Variants in ADD3 observed in about 807,000 individuals in gnomAD.
The protein encoded by ADD3 is adducin 3.
ADD3 carries 25 observed loss-of-function variants against 80.2 expected under a neutral mutation model. That is an observed-to-expected ratio of 0.31 (90% CI 0.23 to 0.44). ADD3 has a LOEUF of 0.44. ADD3 is among the 20% of genes least tolerant of loss of function. The pLI is 1.00. For synonymous variants in ADD3, 284 were observed against 289.6 expected (o/e 0.98, Z 0.20); for missense variants, 829 against 847.5 (o/e 0.98, Z 0.27).
chr10:110,126,188 GA>G (rs1240815731), intron 11 of ADD3, among the ~76,000 whole-genome samples: 13 of 152,196 alleles, frequency 8.5e-5, no homozygotes, highest in Admixed American at 3.9e-4. Context: ...CTATTAGGGG[GA>G]AAATGCAGTT....
rs761757671 is a variant in ADD3, at chr10:110,093,334, G to A, written c.-29-7291G>A. Among the ~76,000 whole-genome samples the A allele has an allele frequency of 2.2e-4, 34 of 152,188 alleles. No individual in the cohort carries two copies. The Middle Eastern group carries it at 0.01, about 46-fold the overall frequency. On this transcript the variant is annotated intron_variant, in intron 1 of 14. Coordinates refer to ENST00000356080, the MANE Select transcript of ADD3 (RefSeq NM_016824.5). ...CCAATTTCTATTACCACTTATTTCAGTTGGTGTATTATACTTGTCTTAACT... is the reference window on the plus strand; with the variant it reads ...CCAATTTCTATTACCACTTATTTCAATTGGTGTATTATACTTGTCTTAACT...
chr10:110,065,539 C>CTTTTTTTTTTTT lies in ADD3; in HGVS notation c.-29-35079_-29-35068dup, dbSNP rs1217733559. Among the ~76,000 whole-genome samples the CTTTTTTTTTTTT allele has an allele frequency of 9.6e-3, 299 of 31,104 alleles. 79 individuals are homozygous for CTTTTTTTTTTTT. The highest frequency in any genetic ancestry group is 0.025 in the South Asian group (21 of 856). The allele number at this position is 31,104 out of a possible 152,430, so 20.4% of individuals were successfully genotyped here. A position where few individuals can be genotyped will look rare whatever the true frequency, so the allele number is the denominator to read the frequency against. On this transcript the variant is annotated intron_variant, in intron 1 of 14. Coordinates refer to ENST00000356080, the MANE Select transcript of ADD3 (RefSeq NM_016824.5). ...TTTTTTCTTAGCCTCTCTCTCTCCC[C>CTTTTTTTTTTTT]TTTTTTTTTTTTTTTTTTGAGAAAG...
intron 4 of ADD3, 37 bp from the exon 5 acceptor site, chr10:110,117,305 C>A (rs1188495722): frequency 9.3e-7 from 1 of 1,079,198 alleles, no homozygotes; most frequent in Non-Finnish European, 1.4e-6. Context: ...AAAATATGAA[C>A]CACTTCATAG....
rs1349354354 is a variant in ADD3, at chr10:110,052,320, T to C, written c.-30+44021T>C. Among the ~76,000 whole-genome samples, 4 of 152,078 alleles carry C rather than the reference T, an allele frequency of 2.6e-5. No homozygotes were observed. The East Asian group carries it at 7.7e-4, about 29-fold the overall frequency. On this transcript the variant is annotated intron_variant, in intron 1 of 14. Coordinates refer to ENST00000356080, the MANE Select transcript of ADD3 (RefSeq NM_016824.5). ...TCAGCCTAATGGTCCCTGCCAGGGG[T>C]TCCCATTCCCTGGGCCCCGGACCAG...
intron 1 of ADD3, among the ~76,000 whole-genome samples, chr10:110,046,255 A>T (rs1043243946): frequency 6.6e-6 from 1 of 152,108 alleles, no homozygotes; most frequent in Non-Finnish European, 1.5e-5. Flanking sequence ...GTATTTTCTT[A>T]TGATTTTCTT....
At chr10:110,053,018 A>G (rs187134806) in intron 1 of ADD3, among the ~76,000 whole-genome samples, 35 of 152,340 alleles carry the variant, frequency 2.3e-4, no homozygotes, top group Non-Finnish European at 4.4e-4. Context: ...AAACAAACAA[A>G]CAAACACATG....
chr10:110,002,320 C>T (rs376258763), upstream of ADD3, among the ~76,000 whole-genome samples: 254 of 152,132 alleles, frequency 1.7e-3, no homozygotes, highest in African/African-American at 5.1e-3. Flanking sequence ...GTCACCCAGG[C>T]TGGAGTGCAG....
At chr10:110,122,543 T>C (rs982443090) in intron 9 of ADD3, among the ~76,000 whole-genome samples, 2 of 152,158 alleles carry the variant, frequency 1.3e-5, no homozygotes, top group African/African-American at 4.8e-5. Flanking sequence ...TTGAACTTTT[T>C]CCTCCTAACT....
Position 110,124,006 on chromosome 10 carries a change from C to T in ADD3, c.1144-11C>T, listed in dbSNP as rs923335686. The T allele has an allele frequency of 3.1e-6, 5 of 1,608,830 alleles. No homozygotes were observed. Among genetic ancestry groups the T allele is most frequent in the Non-Finnish European group, 4.3e-6 (5 of 1,176,074 alleles). On this transcript the variant is annotated splice_polypyrimidine_tract_variant and intron_variant, in intron 9 of 14. Transcript: ENST00000356080. Reference sequence around the variant, plus strand: ...GTTTGATGCTTCAAATGTGGCTTTTCCCTCCCTTAGGGGTATAGAACAGGC... The same window carrying T: ...GTTTGATGCTTCAAATGTGGCTTTTTCCTCCCTTAGGGGTATAGAACAGGC...
chr10:110,117,443 G>A, intron 5 of ADD3, 21 bp downstream of exon 5: 3 of 1,482,916 alleles, frequency 2.0e-6, no homozygotes, highest in Non-Finnish European at 2.8e-6. Context: ...CCATTCCTGT[G>A]TTGCTTTTTC....
chr10:110,114,719 G>C (rs1850478272), intron 3 of ADD3, among the ~76,000 whole-genome samples: 1 of 152,170 alleles, frequency 6.6e-6, no homozygotes, highest in Non-Finnish European at 1.5e-5. Context: ...AAAACCAGGA[G>C]AGAGAAGATA....
chr10:110,128,655 G>A (rs1020055018), intron 12 of ADD3, among the ~76,000 whole-genome samples: 1 of 152,154 alleles, frequency 6.6e-6, no homozygotes, highest in South Asian at 2.1e-4. Context: ...CTGACCTCGT[G>A]ATCTGCCCGC....
Position 110,031,039 on chromosome 10 carries a change from A to G in ADD3, c.-30+22740A>G, listed in dbSNP as rs112023145. ...GCCTGTAATCCCAGCACTTTGGGAG[A>G]CCGAGGCAGGTGGATCACCTGAGGT... On this transcript the variant is annotated intron_variant, in intron 1 of 14. Coordinates refer to ENST00000356080, the MANE Select transcript of ADD3 (RefSeq NM_016824.5). 9.9e-3 allele frequency among the ~76,000 whole-genome samples: 1,474 copies of G among 148,170 alleles called. 25 individuals carry two copies. The highest frequency in any genetic ancestry group is 0.058 in the South Asian group (242 of 4,164).
chr10:110,083,714 G>A (rs1846355534), intron 1 of ADD3, among the ~76,000 whole-genome samples: 1 of 152,062 alleles, frequency 6.6e-6, no homozygotes, highest in Non-Finnish European at 1.5e-5. Flanking sequence ...GGGACTTCCT[G>A]GATGCTTTTT....
intron 1 of ADD3, among the ~76,000 whole-genome samples, chr10:110,030,122 G>A (rs1304471008): frequency 2.6e-5 from 4 of 151,540 alleles, no homozygotes; most frequent in African/African-American, 4.8e-5. Context: ...TCGGGAGTTC[G>A]AGACCAGCCT....
At chr10:110,093,351 G>T (rs1318991731) in intron 1 of ADD3, among the ~76,000 whole-genome samples, 1 of 152,058 alleles carries the variant, frequency 6.6e-6, no homozygotes, top group Admixed American at 6.6e-5. Context: ...TATTATACTT[G>T]TCTTAACTCT....
intron 1 of ADD3, among the ~76,000 whole-genome samples, chr10:110,026,851 A>C (rs1327613840): frequency 6.6e-6 from 1 of 151,992 alleles, no homozygotes; most frequent in Non-Finnish European, 1.5e-5. Context: ...AGTTAAGCAG[A>C]AATTTCAGTG....
At chr10:110,130,724 T>C (rs1396917382) in intron 13 of ADD3, among the ~76,000 whole-genome samples, 2 of 151,938 alleles carry the variant, frequency 1.3e-5, no homozygotes, top group Admixed American at 6.6e-5. Context: ...GGCATGGTGG[T>C]ACACGCCTGT....
rs962698147 is a variant in ADD3 at position 110,118,691 on chromosome 10, T to G, written c.672T>G (p.Pro224=). 1.2e-6 allele frequency: 2 copies of G among 1,614,166 alleles called. No homozygotes were observed. Residue 224 remains proline (P), a synonymous_variant, in exon 6 of 15, where the codon CCT becomes CCG. Coordinates refer to ENST00000356080, the MANE Select transcript of ADD3 (RefSeq NM_016824.5). ...SPHAAIYSTR[P]DVKCVIHIHT... is the part of the protein sequence containing the mutation. ...ATGCTGCAATCTATTCAACACGTCCTGATGTTAAGTGTGTGATACACATCC... is the reference window on the plus strand; with the variant it reads ...ATGCTGCAATCTATTCAACACGTCCGGATGTTAAGTGTGTGATACACATCC...
Sources: gnomAD v4.1 joint callset for allele counts (sites outside exome capture counted in the v4.1 genomes callset) on GRCh38, gnomAD v4.1.1 for gene constraint, MANE v1.5 for transcripts, NCBI Gene and HGNC (gene_info 2026-07-23, HGNC 2026-07-21) for gene names.